Variants in EXOC4 observed in about 807,000 individuals in gnomAD.
The protein encoded by EXOC4 is exocyst complex component 4.
Under a neutral mutation model 107.2 loss-of-function variants are expected in EXOC4, and 71 were observed. The observed-to-expected ratio is 0.66, with a 90% confidence interval of 0.55 to 0.81. EXOC4 has a LOEUF of 0.81. Among genes scored for constraint, EXOC4 ranks in the 30% least tolerant of loss-of-function variants. The pLI, the probability that EXOC4 is intolerant of heterozygous loss-of-function variation, is 0.00. For synonymous variants in EXOC4, 456 were observed against 441.2 expected, an observed-to-expected ratio of 1.03 and a Z score of -0.42; for missense variants, 1,108 against 1,189.6, an observed-to-expected ratio of 0.93 and a Z score of 1.01.
chr7:133,609,155 G>A (rs1367565737), intron 9 of EXOC4, among the ~76,000 whole-genome samples: 1 of 152,128 alleles, frequency 6.6e-6, no homozygotes, highest in Non-Finnish European at 1.5e-5. Flanking sequence ...ATCTGAGTGT[G>A]GGGAACTGTA....
intron 9 of EXOC4, among the ~76,000 whole-genome samples, chr7:133,559,724 T>A (rs1474210013): frequency 6.6e-6 from 1 of 152,194 alleles, no homozygotes; most frequent in Non-Finnish European, 1.5e-5. Flanking sequence ...TCTTTTTTCC[T>A]TTGTCTTCAT....
chr7:133,639,235 A>G (rs183270219), intron 10 of EXOC4, among the ~76,000 whole-genome samples: 2 of 152,282 alleles, frequency 1.3e-5, no homozygotes, highest in Non-Finnish European at 2.9e-5. Context: ...AAATTATTTT[A>G]TCATTCCCCT....
intron 9 of EXOC4, among the ~76,000 whole-genome samples, chr7:133,535,881 A>G (rs1283750594): frequency 3.3e-5 from 5 of 152,208 alleles, no homozygotes; most frequent in African/African-American, 1.2e-4. Context: ...GTCACTGTCA[A>G]CATCATCTCT....
intron 17 of EXOC4, among the ~76,000 whole-genome samples, chr7:134,023,124 C>T (rs1795064114): frequency 6.6e-6 from 1 of 152,104 alleles, no homozygotes; most frequent in Admixed American, 6.5e-5. Flanking sequence ...GGACTCTGTG[C>T]TTTTACATTG....
intron 10 of EXOC4, among the ~76,000 whole-genome samples, chr7:133,637,099 C>A (rs533997030): frequency 1.8e-4 from 28 of 152,194 alleles, no homozygotes; most frequent in Admixed American, 1.7e-3. Context: ...GTTAGGAGGA[C>A]AGGAAGTAAC....
chr7:133,692,634 T>G (rs111408292), intron 10 of EXOC4, among the ~76,000 whole-genome samples: 192 of 152,332 alleles, frequency 1.3e-3, no homozygotes, highest in African/African-American at 4.4e-3. Flanking sequence ...CCCTCTGGAT[T>G]GCCAGTTGTG....
chr7:133,995,245 G>A (rs1293048541), intron 14 of EXOC4, among the ~76,000 whole-genome samples: 1 of 152,094 alleles, frequency 6.6e-6, no homozygotes, highest in African/African-American at 2.4e-5. Flanking sequence ...TACAAAATAA[G>A]AAATGCAAAT....
At chr7:133,405,725 C>T (rs1161162992) in intron 7 of EXOC4, among the ~76,000 whole-genome samples, 2 of 152,082 alleles carry the variant, frequency 1.3e-5, no homozygotes, top group Non-Finnish European at 2.9e-5. Flanking sequence ...ATAAATTAGG[C>T]ACAGTAAGAG....
At chr7:133,563,162 C>G (rs1800841072) in intron 9 of EXOC4, among the ~76,000 whole-genome samples, 1 of 151,490 alleles carries the variant, frequency 6.6e-6, no homozygotes, top group Non-Finnish European at 1.5e-5. Context: ...CATTAGTGGT[C>G]ATTTTTTAAT....
intron 9 of EXOC4, among the ~76,000 whole-genome samples, chr7:133,506,735 A>AT (rs772785743): frequency 2.0e-5 from 3 of 151,982 alleles, no homozygotes; most frequent in Admixed American, 6.6e-5. Context: ...TAATATTACC[A>AT]TTTTTTTAAT....
At chr7:133,685,935 C>T (rs1585078239) in intron 10 of EXOC4, among the ~76,000 whole-genome samples, 1 of 152,306 alleles carries the variant, frequency 6.6e-6, no homozygotes, top group East Asian at 1.9e-4. Flanking sequence ...CATGCGTACA[C>T]ACTATTTAGC....
intron 7 of EXOC4, among the ~76,000 whole-genome samples, chr7:133,409,738 T>A (rs968103287): frequency 5.3e-5 from 8 of 152,184 alleles, no homozygotes; most frequent in African/African-American, 1.9e-4. Context: ...TCTGGTATTC[T>A]GAAGAATGCT....
At chr7:133,568,844 A>G (rs913301292) in intron 9 of EXOC4, among the ~76,000 whole-genome samples, 1 of 152,184 alleles carries the variant, frequency 6.6e-6, no homozygotes, top group Non-Finnish European at 1.5e-5. Flanking sequence ...AATCAGGAAT[A>G]TCTTAAAACA....
intron 15 of EXOC4, among the ~76,000 whole-genome samples, chr7:134,000,125 A>G (rs917566152): frequency 2.6e-5 from 4 of 152,184 alleles, no homozygotes; most frequent in Admixed American, 2.6e-4. Context: ...ACATGGTTCC[A>G]ACACTCAGGT....
chr7:133,884,355 G>T (rs554530236), intron 11 of EXOC4, among the ~76,000 whole-genome samples: 1 of 152,092 alleles, frequency 6.6e-6, no homozygotes, highest in East Asian at 1.9e-4. Flanking sequence ...CCTCCACCTG[G>T]CAACCTTAAT....
intron 10 of EXOC4, among the ~76,000 whole-genome samples, chr7:133,754,517 T>C (rs1795858708): frequency 6.6e-6 from 1 of 152,110 alleles, no homozygotes; most frequent in Admixed American, 6.6e-5. Flanking sequence ...GGTGACACTT[T>C]AGGGAACATA....
chr7:133,823,362 C>T lies in EXOC4; in HGVS notation c.1734+5818C>T, dbSNP rs188690537. 5.6e-3 allele frequency among the ~76,000 whole-genome samples: 859 copies of T among 152,228 alleles called. 2 individuals carry two copies. The highest frequency in any genetic ancestry group is 0.01 in the Middle Eastern group (3 of 294). On this transcript the variant is annotated intron_variant, in intron 11 of 17. Transcript: ENST00000253861. The stretch of plus-strand genomic sequence containing the variant: ...CAGGAACTTCCTAAAAATACCACTT[C>T]CCAGGTCCCATTGGTTGCTCAGGGG...
At chr7:133,642,172 T>C (rs1248710913) in intron 10 of EXOC4, among the ~76,000 whole-genome samples, 1 of 152,190 alleles carries the variant, frequency 6.6e-6, no homozygotes, top group Non-Finnish European at 1.5e-5. Flanking sequence ...TTCTTTTTTT[T>C]CCAGCAAATA....
At chr7:133,405,185 A>G (rs1000553727) in intron 7 of EXOC4, among the ~76,000 whole-genome samples, 3 of 152,192 alleles carry the variant, frequency 2.0e-5, no homozygotes, top group African/African-American at 4.8e-5. Flanking sequence ...TATTAAAATC[A>G]TACAACATTG....
Sources: gnomAD v4.1 joint callset for allele counts (sites outside exome capture counted in the v4.1 genomes callset) on GRCh38, gnomAD v4.1.1 for gene constraint, MANE v1.5 for transcripts, NCBI Gene and HGNC (gene_info 2026-07-23, HGNC 2026-07-21) for gene names.